ESRRG: variants seen among roughly 807,000 people sequenced by gnomAD.
ESRRG encodes the protein estrogen-related receptor gamma.
Under a neutral mutation model 44.0 loss-of-function variants are expected in ESRRG, and 13 were observed. The observed-to-expected ratio is 0.30, with a 90% CI of 0.19 to 0.47. The LOEUF is 0.47. Ranked by LOEUF, ESRRG falls within the 20% of genes least tolerant of loss-of-function variation. The pLI, the probability that ESRRG is intolerant of heterozygous loss-of-function variation, is 1.00. For synonymous variants in ESRRG, 215 were observed against 214.6 expected (o/e 1.00, Z -0.02); for missense variants, 395 against 580.6 (o/e 0.68, Z 3.29).
intron 1 of ESRRG, among the ~76,000 whole-genome samples, chr1:217,048,388 G>A (rs1332103837): frequency 6.6e-6 from 1 of 152,190 alleles, no homozygotes; most frequent in Admixed American, 6.5e-5. Context: ...CGAGGCAGCA[G>A]AGGGGACTGC....
chr1:216,971,959 T>C (rs2071771524), intron 1 of ESRRG, among the ~76,000 whole-genome samples: 1 of 152,232 alleles, frequency 6.6e-6, no homozygotes, highest in South Asian at 2.1e-4. Context: ...AGCAAATTGA[T>C]TTCTGAGAGA....
chr1:217,027,056 T>C (rs1470210423), intron 1 of ESRRG, among the ~76,000 whole-genome samples: 1 of 152,110 alleles, frequency 6.6e-6, no homozygotes, highest in African/African-American at 2.4e-5. Flanking sequence ...CCCCCAAGAT[T>C]GGCTGAAATG....
chr1:217,099,056 G>A (rs556984383), intron 1 of ESRRG, among the ~76,000 whole-genome samples: 3 of 152,042 alleles, frequency 2.0e-5, no homozygotes, highest in African/African-American at 4.8e-5. Context: ...TTACTGTCTC[G>A]TCTTCTATGT....
At chr1:216,834,827 AAAG>A (rs2095538800) in intron 2 of ESRRG, among the ~76,000 whole-genome samples, 1 of 152,208 alleles carries the variant, frequency 6.6e-6, no homozygotes, top group Non-Finnish European at 1.5e-5. Flanking sequence ...CATGAGACCT[AAAG>A]AAGAAGAAAG....
intron 3 of ESRRG, among the ~76,000 whole-genome samples, chr1:216,575,622 G>A (rs2061559071): frequency 6.6e-6 from 1 of 152,086 alleles, no homozygotes. Flanking sequence ...CCATTTTACA[G>A]ATGAGAAAAC....
intron 1 of ESRRG, among the ~76,000 whole-genome samples, chr1:217,012,737 G>A (rs994743899): frequency 9.9e-5 from 15 of 152,170 alleles, no homozygotes; most frequent in Non-Finnish European, 1.5e-4. Context: ...ACACAGACCA[G>A]TGAGCAAGAA....
At chr1:216,773,764 G>A (rs1445786423) in intron 2 of ESRRG, among the ~76,000 whole-genome samples, 3 of 152,020 alleles carry the variant, frequency 2.0e-5, no homozygotes, top group Non-Finnish European at 4.4e-5. Flanking sequence ...CAGATAAGAT[G>A]AACAGTGGGG....
rs146312078 is a variant in ESRRG at position 216,934,593 on chromosome 1, C to A, written c.-14+4989G>T. On this transcript the variant is annotated intron_variant, in intron 2 of 7. Transcript: ENST00000359162. ...GCGAGAATGAGAGCTAAGAGAAAGG[C>A]CATCAGATCTTGTGAGACTTACAAA... is the stretch of plus-strand genomic sequence containing the variant. Among the ~76,000 whole-genome samples, 398 of 152,118 alleles carry A rather than the reference C, an allele frequency of 2.6e-3. 6 individuals are homozygous for A. The highest frequency in any genetic ancestry group is 0.019 in the East Asian group (97 of 5,152).
chr1:217,103,385 C>T (rs564305920), intron 1 of ESRRG, among the ~76,000 whole-genome samples: 1 of 151,994 alleles, frequency 6.6e-6, no homozygotes, highest in Non-Finnish European at 1.5e-5. Flanking sequence ...ATGGCTCACA[C>T]CTGTAATCCC....
chr1:216,563,997 A>T (rs1012953033), intron 5 of ESRRG, among the ~76,000 whole-genome samples: 1 of 152,226 alleles, frequency 6.6e-6, no homozygotes, highest in Non-Finnish European at 1.5e-5. Flanking sequence ...TAGTACCTGT[A>T]CATATGAAAA....
chr1:216,678,988 A>C lies in ESRRG; in HGVS notation c.57-1497T>G, dbSNP rs1004280186. On this transcript the variant is annotated intron_variant, in intron 1 of 6. Coordinates refer to ENST00000408911, the MANE Select transcript of ESRRG (RefSeq NM_001438.4). ...TGGAACTTTTCTGGCAGGAAGTTTC[A>C]CTTAACTGTTCCAAGAAGGCGGTCT... Among the ~76,000 whole-genome samples the C allele has an allele frequency of 1.1e-4, 16 of 152,324 alleles. 1 individual carries two copies. The South Asian group carries it at 3.1e-3, about 30-fold the overall frequency.
intron 2 of ESRRG, among the ~76,000 whole-genome samples, chr1:216,807,319 C>G (rs1458004611): frequency 6.6e-6 from 1 of 152,028 alleles, no homozygotes; most frequent in African/African-American, 2.4e-5. Context: ...GCTTAAAAAC[C>G]CTTCAATTTT....
rs916256904 is a variant in ESRRG at position 216,504,906 on chromosome 1, A to T, written c.*2033T>A. ...GAACCTTATTACTGGTAAGGAATAG[A>T]ATATACTACTGTAGTCTCCTGAGGA... On this transcript the variant is annotated 3_prime_UTR_variant, in exon 7 of 7. Coordinates refer to ENST00000408911, the MANE Select transcript of ESRRG (RefSeq NM_001438.4). The T allele has an allele frequency of 1.3e-5, 2 of 152,614 alleles. No individual in the cohort carries two copies. The highest frequency in any genetic ancestry group is 2.9e-5 in the Non-Finnish European group (2 of 68,036). The allele number at this position is 152,614 out of a possible 1,614,324, so 9.5% of individuals were successfully genotyped here.
At chr1:216,576,337 CTT>C (rs35207125) in intron 3 of ESRRG, among the ~76,000 whole-genome samples, 53 of 145,722 alleles carry the variant, frequency 3.6e-4, no homozygotes, top group Middle Eastern at 3.6e-3. Context: ...ATTAGGAGGG[CTT>C]TTTTTTTTTT....
chr1:216,883,053 T>C (rs2096468081), intron 2 of ESRRG, among the ~76,000 whole-genome samples: 1 of 152,032 alleles, frequency 6.6e-6, no homozygotes, highest in Non-Finnish European at 1.5e-5. Context: ...CCCAGAGGCA[T>C]GTTAAATCCT....
chr1:216,830,633 C>G (rs1386044082), intron 2 of ESRRG, among the ~76,000 whole-genome samples: 1 of 152,096 alleles, frequency 6.6e-6, no homozygotes, highest in African/African-American at 2.4e-5. Context: ...CTCCAAGCCT[C>G]ACTCAGACTT....
chr1:216,657,821 C>T (rs2071017959), intron 2 of ESRRG, among the ~76,000 whole-genome samples: 1 of 152,052 alleles, frequency 6.6e-6, no homozygotes, highest in Non-Finnish European at 1.5e-5. Context: ...TCTCTCTACC[C>T]CATAAAAAAT....
intron 2 of ESRRG, among the ~76,000 whole-genome samples, chr1:216,884,959 G>C (rs2096495072): frequency 6.6e-6 from 1 of 152,068 alleles, no homozygotes; most frequent in Non-Finnish European, 1.5e-5. Flanking sequence ...TGCTATTATG[G>C]AACAGGAAAT....
intron 2 of ESRRG, among the ~76,000 whole-genome samples, chr1:216,818,679 C>T (rs925424729): frequency 2.0e-5 from 3 of 151,870 alleles, no homozygotes; most frequent in Non-Finnish European, 4.4e-5. Flanking sequence ...CAAATGTGTG[C>T]CATGGTGGTT....
Sources: gnomAD v4.1 joint callset for allele counts (sites outside exome capture counted in the v4.1 genomes callset) on GRCh38, gnomAD v4.1.1 for gene constraint, MANE v1.5 for transcripts, NCBI Gene and HGNC (gene_info 2026-07-23, HGNC 2026-07-21) for gene names.